CNTNAP2: variants seen among roughly 807,000 people sequenced by gnomAD.
CNTNAP2 encodes contactin-associated protein-like 2.
Under a neutral mutation model 155.2 loss-of-function variants are expected in CNTNAP2, and 98 were observed. That is an observed-to-expected ratio of 0.63 (90% confidence interval 0.54 to 0.75). The LOEUF (loss-of-function observed/expected upper bound fraction) is 0.75. CNTNAP2 is among the 30% of genes least tolerant of loss of function. CNTNAP2 has a pLI of 0.00. For synonymous variants in CNTNAP2, 651 were observed against 631.2 expected (o/e 1.03, Z -0.47); for missense variants, 1,727 against 1,688.1 (o/e 1.02, Z -0.40).
chr7:147,423,889 A>G (rs1486261911), intron 10 of CNTNAP2, among the ~76,000 whole-genome samples: 2 of 152,138 alleles, frequency 1.3e-5, no homozygotes, highest in Non-Finnish European at 2.9e-5. Context: ...CCCACATTCT[A>G]TCATTATGAC....
At chr7:147,682,183 A>C (rs760636598) in intron 13 of CNTNAP2, among the ~76,000 whole-genome samples, 3 of 151,936 alleles carry the variant, frequency 2.0e-5, no homozygotes, top group Admixed American at 6.6e-5. Flanking sequence ...AAAATAATGT[A>C]TATCAAAGCA....
In CNTNAP2 at chr7:146,975,483, C is replaced by CA. The variant is rs569674240; in HGVS notation, c.403-68416dup. ...CTGTCTAAGAAAAAATAATAATAAA[C>CA]AAAAAAAATAGTGGCTCATGTTTCA... On this transcript the variant is annotated intron_variant, in intron 3 of 23. Transcript: ENST00000361727. 3.5e-3 allele frequency among the ~76,000 whole-genome samples: 534 copies of CA among 151,676 alleles called. 7 individuals are homozygous for CA. The highest frequency in any genetic ancestry group is 0.012 in the African/African-American group (485 of 41,380).
At chr7:146,842,218 G>T (rs1188326438) in intron 3 of CNTNAP2, among the ~76,000 whole-genome samples, 1 of 151,970 alleles carries the variant, frequency 6.6e-6, no homozygotes. Flanking sequence ...GAATAATAAT[G>T]GTTGAGTCGG....
At chr7:147,210,566 G>T (rs962151758) in intron 8 of CNTNAP2, among the ~76,000 whole-genome samples, 13 of 151,680 alleles carry the variant, frequency 8.6e-5, no homozygotes, top group African/African-American at 3.1e-4. Flanking sequence ...TTGATTCTTT[G>T]TAATGGTTTT....
At chr7:147,454,148 G>A (rs771120932) in intron 10 of CNTNAP2, among the ~76,000 whole-genome samples, 13 of 152,156 alleles carry the variant, frequency 8.5e-5, no homozygotes, top group Non-Finnish European at 1.6e-4. Flanking sequence ...GCCCATATAT[G>A]CTAAGTAAGC....
chr7:147,904,900 T>TACACAC (rs58242194), intron 14 of CNTNAP2, among the ~76,000 whole-genome samples: 9,254 of 149,132 alleles, frequency 0.062, 313 homozygotes, highest in East Asian at 0.15. Context: ...AAGATGTATC[T>TACACAC]ACACACACAC....
At chr7:146,701,052 A>AAGT (rs35650937) in intron 1 of CNTNAP2, among the ~76,000 whole-genome samples, 1 of 151,714 alleles carries the variant, frequency 6.6e-6, no homozygotes, top group Admixed American at 6.6e-5. Context: ...CTCTGAAAAA[A>AAGT]AAAAGTAGAT....
At chr7:148,178,465 G>A (rs973777092) in intron 18 of CNTNAP2, among the ~76,000 whole-genome samples, 5 of 152,138 alleles carry the variant, frequency 3.3e-5, no homozygotes, top group Admixed American at 2.6e-4. Flanking sequence ...CAAATAATGT[G>A]CCACCCTCCC....
At chr7:147,930,679 A>G (rs1192556186) in intron 14 of CNTNAP2, among the ~76,000 whole-genome samples, 2 of 152,188 alleles carry the variant, frequency 1.3e-5, no homozygotes, top group Non-Finnish European at 2.9e-5. Flanking sequence ...TCAATAAGAA[A>G]CTATAGACCA....
chr7:146,854,876 T>TTTTTGTTG (rs1273914826), intron 3 of CNTNAP2, among the ~76,000 whole-genome samples: 4 of 152,172 alleles, frequency 2.6e-5, no homozygotes, highest in Admixed American at 6.5e-5. Flanking sequence ...GTTAGTATTA[T>TTTTTGTTG]TTTTGTTGTT....
At chr7:147,894,266 A>T (rs1799740307) in intron 13 of CNTNAP2, 1 of 152,210 alleles carries the variant, frequency 6.6e-6, no homozygotes, top group African/African-American at 2.4e-5. Context: ...TTGTAATCAG[A>T]TCAGAGTGCT....
In CNTNAP2 at chr7:146,983,121, C is replaced by T. The variant is rs117003054; in HGVS notation, c.403-60786C>T. ...AATTGTCCCAATTGGAGAAGACCTT[C>T]AACCATCTATGCCAACCTTCTAGAC... On this transcript the variant is annotated intron_variant, in intron 3 of 23. Coordinates refer to ENST00000361727, the MANE Select transcript of CNTNAP2 (RefSeq NM_014141.6). Among the ~76,000 whole-genome samples the T allele has an allele frequency of 3.8e-3, 572 of 152,284 alleles. 2 individuals are homozygous for T. Among genetic ancestry groups the T allele is most frequent in the Non-Finnish European group, 6.5e-3 (441 of 68,016 alleles).
chr7:146,781,160 G>A lies in CNTNAP2; in HGVS notation c.208+6779G>A, dbSNP rs185259648. Among the ~76,000 whole-genome samples, 1,106 of 150,774 alleles carry A rather than the reference G, an allele frequency of 7.3e-3. 6 individuals carry two copies. Among genetic ancestry groups the A allele is most frequent in the Non-Finnish European group, 0.01 (711 of 67,796 alleles). On this transcript the variant is annotated intron_variant, in intron 2 of 23. Coordinates refer to ENST00000361727, the MANE Select transcript of CNTNAP2 (RefSeq NM_014141.6). ...GGAGAATGGCCTGAACCCGGGAGGC[G>A]GAGCTTGCACTGAGCCCAGATCGCG...
chr7:146,352,915 C>G (rs1283239704), intron 1 of CNTNAP2, among the ~76,000 whole-genome samples: 1 of 151,426 alleles, frequency 6.6e-6, no homozygotes, highest in Non-Finnish European at 1.5e-5. Flanking sequence ...CCACCACGCC[C>G]GGCTAATTTT....
At chr7:146,569,040 G>T (rs1342995969) in intron 1 of CNTNAP2, among the ~76,000 whole-genome samples, 1 of 151,124 alleles carries the variant, frequency 6.6e-6, no homozygotes, top group East Asian at 1.9e-4. Flanking sequence ...TTTTTGAGAA[G>T]GAGTCTCGCT....
At chr7:147,498,088 ACAG>A (rs756686126) in intron 11 of CNTNAP2, among the ~76,000 whole-genome samples, 1 of 151,888 alleles carries the variant, frequency 6.6e-6, no homozygotes, top group African/African-American at 2.4e-5. Flanking sequence ...GAAACTCCAG[ACAG>A]CAGTACTTGC....
chr7:148,097,728 C>T (rs183052036), intron 15 of CNTNAP2, among the ~76,000 whole-genome samples: 3 of 152,180 alleles, frequency 2.0e-5, no homozygotes, highest in Non-Finnish European at 4.4e-5. Context: ...TTTTGAAGCC[C>T]TCCTCGGCTG....
chr7:146,273,559 C>T (rs534305016), intron 1 of CNTNAP2, among the ~76,000 whole-genome samples: 6 of 152,146 alleles, frequency 3.9e-5, no homozygotes, highest in East Asian at 1.9e-4. Context: ...AAATAGATGA[C>T]GGGCCAGATG....
intron 10 of CNTNAP2, among the ~76,000 whole-genome samples, chr7:147,482,376 A>G (rs1233519571): frequency 6.6e-6 from 1 of 152,162 alleles, no homozygotes; most frequent in Non-Finnish European, 1.5e-5. Context: ...ATTTTCCACC[A>G]TTAAGAATTA....
Sources: gnomAD v4.1 joint callset for allele counts (sites outside exome capture counted in the v4.1 genomes callset) on GRCh38, gnomAD v4.1.1 for gene constraint, MANE v1.5 for transcripts, NCBI Gene and HGNC (gene_info 2026-07-23, HGNC 2026-07-21) for gene names.